PTPRR: variants seen among roughly 807,000 people sequenced by gnomAD.
The protein encoded by PTPRR is receptor-type tyrosine-protein phosphatase R.
PTPRR carries 38 observed loss-of-function variants against 77.2 expected under a neutral mutation model. The ratio of observed to expected loss-of-function variants is 0.49; its 90% CI spans 0.38 to 0.65. PTPRR has a LOEUF of 0.65. PTPRR is among the 30% of genes least tolerant of loss of function. The pLI is 0.00. For synonymous variants in PTPRR, 299 were observed against 283.1 expected (o/e 1.06, Z -0.57); for missense variants, 744 against 799.2 (o/e 0.93, Z 0.83).
chr12:70,650,472 C>G (rs965375389), intron 13 of PTPRR, among the ~76,000 whole-genome samples: 3 of 151,344 alleles, frequency 2.0e-5, no homozygotes, highest in African/African-American at 7.3e-5. Flanking sequence ...TATATATAAA[C>G]AGCTTTTCCC....
chr12:70,892,856 T>A lies in PTPRR; in HGVS notation c.180A>T (p.Lys60Asn). The change falls in exon 2 of 14, where the codon AAA (lysine) becomes AAT (asparagine). Residue 60 changes from lysine (K) to asparagine (N), a missense_variant. Coordinates refer to ENST00000283228, the MANE Select transcript of PTPRR (RefSeq NM_002849.4). Reference sequence around the variant, plus strand: ...AGGAATGGTAGCTATGTCTGTAGATTTTTTGTGGGGCTATATCCAGGCTCT... The same window carrying A: ...AGGAATGGTAGCTATGTCTGTAGATATTTTGTGGGGCTATATCCAGGCTCT... The part of the protein sequence containing the change: ...IEKSLDIAPQ[K>N]IYRHSYHSSS... 6.2e-7 allele frequency: 1 copy of A among 1,613,612 alleles called. No individual in the cohort carries two copies. The highest frequency in any genetic ancestry group is 8.5e-7 in the Non-Finnish European group (1 of 1,179,628).
At chr12:70,723,850 C>A (rs1889343862) in intron 6 of PTPRR, among the ~76,000 whole-genome samples, 1 of 151,832 alleles carries the variant, frequency 6.6e-6, no homozygotes, top group African/African-American at 2.4e-5. Context: ...TTTTTTATTG[C>A]TTTATTCATT....
chr12:70,684,598 T>C (rs2136734909), intron 9 of PTPRR, 106 bp downstream of exon 9: 2 of 791,076 alleles, frequency 2.5e-6, no homozygotes, highest in Non-Finnish European at 4.1e-6. Flanking sequence ...GAAATCTTGC[T>C]GGTAATCAAG....
intron 2 of PTPRR, among the ~76,000 whole-genome samples, chr12:70,882,127 T>C (rs960591721): frequency 1.3e-5 from 2 of 152,194 alleles, no homozygotes; most frequent in African/African-American, 4.8e-5. Context: ...ATCCCCTACA[T>C]CAACATCTTT....
intron 2 of PTPRR, among the ~76,000 whole-genome samples, chr12:70,836,704 TCACTCC>T (rs1389982338): frequency 6.6e-6 from 1 of 151,872 alleles, no homozygotes; most frequent in Admixed American, 6.6e-5. Flanking sequence ...CTCTCACTCC[TCACTCC>T]CACTCCCACT....
At chr12:70,694,195 A>G (rs535858898) in intron 8 of PTPRR, among the ~76,000 whole-genome samples, 2 of 152,318 alleles carry the variant, frequency 1.3e-5, no homozygotes, top group African/African-American at 4.8e-5. Flanking sequence ...GGTACTTTAT[A>G]TAATAAAAAA....
Position 70,661,015 on chromosome 12 carries a change from A to C in PTPRR, c.1691T>G (p.Leu564Arg). The stretch of plus-strand genomic sequence containing the variant: ...TTCTACATCCAGCATGAGCTGTAGG[A>C]GGGGCTGGGCACTGTCTGGAGTCTT... ...DHKTPDSAQP[L>R]LQLMLDVEED... The change falls in exon 12 of 14, where the codon CTC (leucine) becomes CGC (arginine). Residue 564 changes from leucine to arginine, a missense_variant. By Grantham distance (102) the Leu-to-Arg change is moderately radical. This residue lies in a region of PTPRR where 170 missense variants were observed against 209.8 expected (regional missense o/e 0.81). Transcript: ENST00000283228. 6.2e-7 allele frequency: 1 copy of C among 1,613,642 alleles called. No individual in the cohort carries two copies. The highest frequency in any genetic ancestry group is 8.5e-7 in the Non-Finnish European group (1 of 1,179,846).
At chr12:70,728,980 C>T (rs1261098574) in intron 6 of PTPRR, among the ~76,000 whole-genome samples, 1 of 152,102 alleles carries the variant, frequency 6.6e-6, no homozygotes, top group Non-Finnish European at 1.5e-5. Flanking sequence ...TGAGTTGTTT[C>T]AGTTCTAGAA....
At chr12:70,788,884 C>T (rs1009983353) in intron 2 of PTPRR, 2 of 1,507,696 alleles carry the variant, frequency 1.3e-6, no homozygotes, top group Non-Finnish European at 1.8e-6. Context: ...GTGTTATTTC[C>T]TTACCATAGC....
chr12:70,754,070 G>T, intron 5 of PTPRR, 121 bp downstream of exon 5: 1 of 923,786 alleles, frequency 1.1e-6, no homozygotes, highest in South Asian at 1.8e-5. Flanking sequence ...TCCTAATCTA[G>T]CAGGATCATA....
At chr12:70,809,586 A>C (rs371182183) in intron 2 of PTPRR, among the ~76,000 whole-genome samples, 51 of 152,144 alleles carry the variant, frequency 3.4e-4, no homozygotes, top group South Asian at 2.5e-3. Context: ...ATCTTCTCCC[A>C]CCACCCCACC....
rs150336697 is a variant in PTPRR at position 70,724,470 on chromosome 12, C to T, written c.1007+21348G>A. Among the ~76,000 whole-genome samples, 344 of 152,234 alleles carry T rather than the reference C, an allele frequency of 2.3e-3. 1 individual carries two copies. Among genetic ancestry groups the T allele is most frequent in the Non-Finnish European group, 3.3e-3 (224 of 68,016 alleles). On this transcript the variant is annotated intron_variant, in intron 6 of 13. Transcript: ENST00000283228. ...TGTGAAACACAACAGGGCTTGATAA[C>T]GTAATAAATGCAACAGTGTAACTCT...
In PTPRR at chr12:70,639,035, T is replaced by C; in HGVS notation, c.*149A>G. ...TACACAAGGAGCTGGAAATCTTAAA[T>C]ATGTTGCCCAGTCTTCCACAATCCA... On this transcript the variant is annotated 3_prime_UTR_variant, in exon 14 of 14. Coordinates refer to ENST00000283228, the MANE Select transcript of PTPRR (RefSeq NM_002849.4). 1.5e-6 allele frequency: 1 copy of C among 672,978 alleles called. No homozygotes were observed. Among genetic ancestry groups the C allele is most frequent in the Non-Finnish European group, 2.6e-6 (1 of 386,022 alleles). The allele number at this position is 672,978 out of a possible 1,614,324, so 41.7% of individuals were successfully genotyped here.
rs981689438 is a variant in PTPRR at position 70,784,720 on chromosome 12, C to T, written c.358-19942G>A. On this transcript the variant is annotated intron_variant, in intron 2 of 13. Coordinates refer to ENST00000283228, the MANE Select transcript of PTPRR (RefSeq NM_002849.4). ...AACTAGGCTTAAAGATACGTGTTTA[C>T]TGCACATCAATGTTGAAAATGAATA... Among the ~76,000 whole-genome samples, 4 of 152,368 alleles carry T rather than the reference C, an allele frequency of 2.6e-5. 1 individual carries two copies. In the Middle Eastern group the frequency reaches 0.014, roughly 518 times the overall value.
chr12:70,805,307 T>C (rs1323710879), intron 2 of PTPRR, among the ~76,000 whole-genome samples: 1 of 151,630 alleles, frequency 6.6e-6, no homozygotes, highest in Non-Finnish European at 1.5e-5. Flanking sequence ...GGAGTTTATG[T>C]ATATATGTAT....
Position 70,755,125 on chromosome 12 carries a change from A to T in PTPRR, c.628-824T>A, listed in dbSNP as rs544385865. 2.0e-4 allele frequency among the ~76,000 whole-genome samples: 30 copies of T among 152,298 alleles called. No homozygotes were observed. The South Asian group carries it at 6.2e-3, about 32-fold the overall frequency. On this transcript the variant is annotated intron_variant, in intron 4 of 13. Transcript: ENST00000283228. Reference sequence around the variant, plus strand: ...TTCTTAGATTAAAATTCAGTTGTATAATTTAGTGACAGTATAGATTTATAG... The same window carrying T: ...TTCTTAGATTAAAATTCAGTTGTATTATTTAGTGACAGTATAGATTTATAG...
intron 6 of PTPRR, among the ~76,000 whole-genome samples, chr12:70,715,467 C>A (rs1888989310): frequency 6.6e-6 from 1 of 152,046 alleles, no homozygotes; most frequent in South Asian, 2.1e-4. Context: ...CCGGTCTGAC[C>A]AAAATTTATT....
intron 2 of PTPRR, 36 bp from the exon 3 acceptor site, chr12:70,764,814 G>C: frequency 7.2e-7 from 1 of 1,384,386 alleles, no homozygotes; most frequent in Non-Finnish European, 1.0e-6. Context: ...CCAAATTATA[G>C]TATTAATTTG....
intron 6 of PTPRR, among the ~76,000 whole-genome samples, chr12:70,709,404 G>A (rs1888739495): frequency 6.6e-6 from 1 of 152,094 alleles, no homozygotes; most frequent in Non-Finnish European, 1.5e-5. Context: ...TTGAAAATCA[G>A]CACAAGACAA....
Sources: allele counts gnomAD v4.1 joint callset (sites outside exome capture counted in the v4.1 genomes callset), GRCh38; gene constraint gnomAD v4.1.1; regional missense constraint gnomAD v4.1.1; transcripts MANE v1.5; gene names NCBI Gene and HGNC (gene_info 2026-07-23, HGNC 2026-07-21).